The following CADPS2 variants were observed in gnomAD, a reference collection of about 807,000 sequenced individuals.
The protein encoded by CADPS2 is calcium-dependent secretion activator 2.
In CADPS2, 93 loss-of-function variants were observed where a neutral mutation model predicts 172.5. The ratio of observed to expected loss-of-function variants is 0.54; its 90% CI spans 0.46 to 0.64. The LOEUF (loss-of-function observed/expected upper bound fraction) is 0.64. Ranked by LOEUF, CADPS2 falls within the 30% of genes least tolerant of loss-of-function variation. The probability of loss-of-function intolerance (pLI) is 0.00; values close to 1 mark genes in which losing one functional copy is unlikely to be tolerated. For missense variants in CADPS2, 1,420 were observed against 1,565.9 expected, an observed-to-expected ratio of 0.91 and a Z score of 1.57; for synonymous variants, 546 against 555.2, an observed-to-expected ratio of 0.98 and a Z score of 0.23.
chr7:122,649,084 A>T (rs2078865953), intron 3 of CADPS2, among the ~76,000 whole-genome samples: 1 of 151,756 alleles, frequency 6.6e-6, no homozygotes, highest in Non-Finnish European at 1.5e-5. Context: ...CTCTACCACA[A>T]GGTAAATTCC....
chr7:122,621,521 T>C lies in CADPS2; in HGVS notation c.1064A>G (p.Gln355Arg). 6.2e-7 allele frequency: 1 copy of C among 1,613,804 alleles called. No individual in the cohort carries two copies. The highest frequency in any genetic ancestry group is 8.5e-7 in the Non-Finnish European group (1 of 1,179,748). Residue 355 changes from glutamine to arginine, a missense_variant, in exon 5 of 30, where the codon CAG (glutamine) becomes CGG (arginine). Physicochemically the swap from Gln to Arg is conservative, Grantham distance 43 (BLOSUM62 1). Transcript: ENST00000449022. ...FLDIGDENEI[Q>R]LSKSDVVLSF... is the part of the protein sequence containing the mutation. ...CAGTACCACGTCGGACTTTGACAGC[T>C]GAATCTCATTCTCATCTCCTATGTC...
chr7:122,351,230 G>A (rs1214279327), intron 27 of CADPS2, among the ~76,000 whole-genome samples: 2 of 151,072 alleles, frequency 1.3e-5, no homozygotes, highest in East Asian at 4.0e-4. Flanking sequence ...AAAATTAGCT[G>A]GGCATGGTGG....
At chr7:122,582,791 T>C (rs375711040) in intron 6 of CADPS2, among the ~76,000 whole-genome samples, 56 of 152,128 alleles carry the variant, frequency 3.7e-4, no homozygotes, top group African/African-American at 1.3e-3. Flanking sequence ...CTCTTATAAC[T>C]GAAATAAAAG....
chr7:122,700,180 G>A (rs542067419), intron 2 of CADPS2, among the ~76,000 whole-genome samples: 5 of 152,240 alleles, frequency 3.3e-5, no homozygotes, highest in East Asian at 1.9e-4. Context: ...CTAGGAAACC[G>A]AGGCCAAAGA....
chr7:122,331,650 CAAAACA>C (rs1452394035), intron 28 of CADPS2, among the ~76,000 whole-genome samples: 1 of 151,994 alleles, frequency 6.6e-6, no homozygotes, highest in African/African-American at 2.4e-5. Context: ...AAAAACAAAA[CAAAACA>C]AAAAAACAAA....
intron 8 of CADPS2, among the ~76,000 whole-genome samples, chr7:122,528,113 G>GGTGGTA (rs1314742996): frequency 1.5e-3 from 23 of 15,034 alleles, no homozygotes; most frequent in African/African-American, 4.6e-3. Flanking sequence ...AGGCATTAGT[G>GGTGGTA]GTGGTGGTGG....
At chr7:122,605,021 A>G (rs1186437327) in intron 6 of CADPS2, among the ~76,000 whole-genome samples, 1 of 152,194 alleles carries the variant, frequency 6.6e-6, no homozygotes, top group African/African-American at 2.4e-5. Context: ...ACAAACCTGT[A>G]TAGCATGTAT....
chr7:122,698,345 C>T (rs766674590), intron 2 of CADPS2: 1 of 1,613,772 alleles, frequency 6.2e-7, no homozygotes, highest in East Asian at 2.2e-5. Context: ...ACAAAAGAGA[C>T]CAAATAGTGA....
At chr7:122,775,752 T>A (rs1010343350) in intron 1 of CADPS2, among the ~76,000 whole-genome samples, 5 of 152,212 alleles carry the variant, frequency 3.3e-5, no homozygotes, top group Admixed American at 6.5e-5. Flanking sequence ...TGGATTGTAT[T>A]GATGTTAGAT....
chr7:122,489,763 G>A (rs1398914933), intron 11 of CADPS2, among the ~76,000 whole-genome samples: 1 of 151,960 alleles, frequency 6.6e-6, no homozygotes, highest in Non-Finnish European at 1.5e-5. Flanking sequence ...ATATCTATAG[G>A]AGACTTAAGT....
At chr7:122,511,237 CA>C (rs1462092288) in intron 9 of CADPS2, among the ~76,000 whole-genome samples, 4 of 151,698 alleles carry the variant, frequency 2.6e-5, no homozygotes, top group Admixed American at 1.3e-4. Flanking sequence ...AATCTTCCCC[CA>C]AAAACCTACC....
At chr7:122,792,258 C>T (rs1346206423) in intron 1 of CADPS2, among the ~76,000 whole-genome samples, 1 of 152,134 alleles carries the variant, frequency 6.6e-6, no homozygotes. Flanking sequence ...ATCCTAACTC[C>T]CAAAGTGACG....
At chr7:122,587,329 C>T (rs1254516617) in intron 6 of CADPS2, among the ~76,000 whole-genome samples, 1 of 151,988 alleles carries the variant, frequency 6.6e-6, no homozygotes, top group Non-Finnish European at 1.5e-5. Flanking sequence ...TGTGATCTCA[C>T]TGCTCAGCTC....
intron 27 of CADPS2, among the ~76,000 whole-genome samples, chr7:122,358,728 C>A (rs1176627337): frequency 6.6e-6 from 1 of 152,066 alleles, no homozygotes; most frequent in Non-Finnish European, 1.5e-5. Context: ...TAACGGCCAA[C>A]AAGACCTTAC....
In CADPS2 at chr7:122,524,666, A is replaced by G. The variant is rs143754257; in HGVS notation, c.1476-11351T>C. 1.3e-3 allele frequency among the ~76,000 whole-genome samples: 205 copies of G among 152,326 alleles called. 1 individual carries two copies. The highest frequency in any genetic ancestry group is 4.6e-3 in the African/African-American group (193 of 41,590). Reference sequence around the variant, plus strand: ...AAAAGTGCAGAATATTTTCCATAGAATATCTGTAACAGTCATGTTCTCTAG... The same window carrying G: ...AAAAGTGCAGAATATTTTCCATAGAGTATCTGTAACAGTCATGTTCTCTAG... On this transcript the variant is annotated intron_variant, in intron 8 of 29. Transcript: ENST00000449022.
At chr7:122,871,131 A>G (rs1458376864) in intron 1 of CADPS2, among the ~76,000 whole-genome samples, 1 of 151,936 alleles carries the variant, frequency 6.6e-6, no homozygotes, top group African/African-American at 2.4e-5. Flanking sequence ...GGAAAAGTCA[A>G]ACAAAGGAAG....
rs532944536 is a variant in CADPS2, at chr7:122,490,147, C to T, written c.1786G>A (p.Val596Ile). The T allele has an allele frequency of 2.5e-6, 4 of 1,613,464 alleles. No homozygotes were observed. Among genetic ancestry groups the T allele is most frequent in the Non-Finnish European group, 3.4e-6 (4 of 1,179,566 alleles). The change falls in exon 11 of 30, where the codon GTT becomes ATT. Residue 596 changes from valine to isoleucine, a missense_variant. Physicochemically the swap from Val to Ile is conservative, Grantham distance 29 (BLOSUM62 3). Coordinates refer to ENST00000449022, the MANE Select transcript of CADPS2 (RefSeq NM_017954.11). The part of the protein sequence containing the change: ...YRATGQSYKP[V>I]PAIQTQKLNP... ...AGTTTCTGGGTTTGAATTGCAGGAA[C>T]TGGTTTATATGATTGACCTGTGGCC...
At chr7:122,738,764 CAAAT>C (rs1397268626) in intron 1 of CADPS2, among the ~76,000 whole-genome samples, 1 of 133,706 alleles carries the variant, frequency 7.5e-6, no homozygotes, top group East Asian at 2.3e-4. Flanking sequence ...AGGACTCTAA[CAAAT>C]AAGACAGTTT....
intron 9 of CADPS2, among the ~76,000 whole-genome samples, chr7:122,495,174 A>C (rs1193706546): frequency 6.6e-6 from 1 of 152,188 alleles, no homozygotes; most frequent in Non-Finnish European, 1.5e-5. Context: ...ATAATACACT[A>C]ACATGTATAT....
Sources: allele counts gnomAD v4.1 joint callset (sites outside exome capture counted in the v4.1 genomes callset), GRCh38; gene constraint gnomAD v4.1.1; transcripts MANE v1.5; gene names NCBI Gene and HGNC (gene_info 2026-07-23, HGNC 2026-07-21).